The following AFAP1L2 variants were observed in gnomAD, a reference collection of about 807,000 sequenced individuals.
The protein encoded by AFAP1L2 is actin filament-associated protein 1-like 2.
Under a neutral mutation model 99.3 loss-of-function variants are expected in AFAP1L2, and 46 were observed. The ratio of observed to expected loss-of-function variants is 0.46; its 90% confidence interval spans 0.37 to 0.59. AFAP1L2 has a LOEUF of 0.59. AFAP1L2 is among the 20% of genes least tolerant of loss of function. The probability of loss-of-function intolerance (pLI) is 0.00; values close to 1 mark genes in which losing one functional copy is unlikely to be tolerated. For synonymous variants in AFAP1L2, 397 were observed against 419.1 expected (o/e 0.95, Z 0.64); for missense variants, 959 against 1,034.9 (o/e 0.93, Z 1.01).
At position 114,367,379 on chromosome 10, in the gene AFAP1L2, T is replaced by A. The variant is rs1230859580; in HGVS notation, c.17-26648A>T. Among the ~76,000 whole-genome samples, 5 of 152,254 alleles carry A rather than the reference T, an allele frequency of 3.3e-5. No individual in the cohort carries two copies. In the East Asian group the frequency reaches 9.6e-4, roughly 29 times the overall value. On this transcript the variant is annotated intron_variant, in intron 1 of 18. Transcript: ENST00000304129. ...AGAGCAAATTTGGTGGTGTATTCCA[T>A]CCCTAAAATGCCAGGGGAAATATTA...
At chr10:114,339,552 T>C (rs1018686500) in intron 2 of AFAP1L2, among the ~76,000 whole-genome samples, 27 of 152,304 alleles carry the variant, frequency 1.8e-4, no homozygotes, top group South Asian at 4.1e-4. Flanking sequence ...TCCCGCACCA[T>C]TGTTATGGGG....
Position 114,308,032 on chromosome 10 carries a change from G to A in AFAP1L2, c.968-123C>T, listed in dbSNP as rs753184130. On this transcript the variant is annotated intron_variant, in intron 9 of 18. Transcript: ENST00000304129. ...ACCCATCCCTCCCCGCTACATATGC[G>A]CGCACATATGCACGCATACACACAC... The A allele has an allele frequency of 1.5e-4, 114 of 770,388 alleles. 1 individual carries two copies. The highest frequency in any genetic ancestry group is 2.6e-4 in the Middle Eastern group (1 of 3,840). 47.7% of individuals were successfully genotyped at this position (770,388 alleles called of 1,614,324 possible).
chr10:114,310,205 G>T (rs2043014013), intron 8 of AFAP1L2, 149 bp downstream of exon 8: 4 of 770,702 alleles, frequency 5.2e-6, no homozygotes, highest in Non-Finnish European at 8.1e-6. Context: ...TGGCTTACAG[G>T]CGTGAGCCCA....
chr10:114,322,808 G>A (rs2135209934), intron 5 of AFAP1L2, among the ~76,000 whole-genome samples: 1 of 152,294 alleles, frequency 6.6e-6, no homozygotes, highest in East Asian at 1.9e-4. Flanking sequence ...TGCTGACCAG[G>A]GCCTTGGGCC....
chr10:114,316,148 G>T lies in AFAP1L2; in HGVS notation c.407-383C>A, dbSNP rs565830295. On this transcript the variant is annotated intron_variant, in intron 5 of 18. Coordinates refer to ENST00000304129, the MANE Select transcript of AFAP1L2 (RefSeq NM_001001936.3). ...GGGGCCTCTAATTCCTCAAATGAAA[G>T]ATGAAAGGCGTGGGGTGGGATGTTG... Among the ~76,000 whole-genome samples the T allele has an allele frequency of 1.3e-3, 196 of 152,312 alleles. 1 individual carries two copies. The highest frequency in any genetic ancestry group is 4.4e-3 in the African/African-American group (182 of 41,570).
intron 1 of AFAP1L2, among the ~76,000 whole-genome samples, chr10:114,390,980 T>C (rs2057077076): frequency 6.6e-6 from 1 of 152,186 alleles, no homozygotes; most frequent in Non-Finnish European, 1.5e-5. Context: ...TTCATACCCT[T>C]GATTCACTGT....
chr10:114,384,326 C>A (rs947860613), intron 1 of AFAP1L2, among the ~76,000 whole-genome samples: 8 of 145,860 alleles, frequency 5.5e-5, no homozygotes, highest in African/African-American at 1.4e-4. Context: ...GTCTGTCGTC[C>A]CCCCCCCGCT....
intron 1 of AFAP1L2, among the ~76,000 whole-genome samples, chr10:114,342,231 C>T (rs1290789449): frequency 6.6e-6 from 1 of 152,226 alleles, no homozygotes; most frequent in Non-Finnish European, 1.5e-5. Flanking sequence ...GCCTGACCAT[C>T]ACCTGGTGGT....
rs775607554 is a variant in AFAP1L2, at chr10:114,297,291, T to C, written c.2236A>G (p.Lys746Glu). The change falls in exon 17 of 19, where the codon AAG becomes GAG. Residue 746 changes from lysine to glutamate, a missense_variant. By Grantham distance (56) the Lys-to-Glu change is moderately conservative (BLOSUM62 1). Transcript: ENST00000304129. ...SIMEVKDNLK[K>E]AEAGPVTLGT... The stretch of plus-strand genomic sequence containing the variant: ...AACGTCACAGGCCCTGCCTCAGCCT[T>C]CTTCAGGTTGTCCTTCACCTCCATG... The C allele has an allele frequency of 1.2e-6, 2 of 1,613,860 alleles. No individual in the cohort carries two copies. The highest frequency in any genetic ancestry group is 1.7e-6 in the Non-Finnish European group (2 of 1,180,004).
At chr10:114,320,309 G>A (rs2044976195) in intron 5 of AFAP1L2, among the ~76,000 whole-genome samples, 1 of 152,206 alleles carries the variant, frequency 6.6e-6, no homozygotes, top group Admixed American at 6.5e-5. Context: ...GGCTGATAGA[G>A]CAGGTCAAGA....
At chr10:114,322,773 GA>G (rs2045581970) in intron 5 of AFAP1L2, among the ~76,000 whole-genome samples, 1 of 152,218 alleles carries the variant, frequency 6.6e-6, no homozygotes, top group South Asian at 2.1e-4. Flanking sequence ...ACTGAGCTCA[GA>G]CTCAGCCTGA....
At chr10:114,299,463 A>G (rs752879113) in intron 15 of AFAP1L2, 48 bp from the exon 16 acceptor site, 10 of 1,607,288 alleles carry the variant, frequency 6.2e-6, no homozygotes, top group Non-Finnish European at 8.5e-6. Context: ...CTGGATCATG[A>G]GGGCTGTCCC....
chr10:114,360,077 T>A (rs149592513), intron 1 of AFAP1L2, among the ~76,000 whole-genome samples: 1 of 152,190 alleles, frequency 6.6e-6, no homozygotes, highest in Admixed American at 6.5e-5. Context: ...CTGGTGAGGA[T>A]GTTTCTAGGT....
Position 114,347,627 on chromosome 10 carries a change from T to C in AFAP1L2, c.17-6896A>G, listed in dbSNP as rs1001649829. On this transcript the variant is annotated intron_variant, in intron 1 of 18. Coordinates refer to ENST00000304129, the MANE Select transcript of AFAP1L2 (RefSeq NM_001001936.3). Reference sequence around the variant, plus strand: ...TATAGGCATGTACCACTTGAGACTATATGGTCTCAAGTAGCTGGGACTATA... The same window carrying C: ...TATAGGCATGTACCACTTGAGACTACATGGTCTCAAGTAGCTGGGACTATA... Among the ~76,000 whole-genome samples the C allele has an allele frequency of 2.0e-5, 3 of 152,032 alleles. No homozygotes were observed. The Middle Eastern group carries it at 0.01, about 517-fold the overall frequency.
chr10:114,363,343 C>T (rs757063981), intron 1 of AFAP1L2, among the ~76,000 whole-genome samples: 3 of 152,152 alleles, frequency 2.0e-5, no homozygotes, highest in East Asian at 1.9e-4. Context: ...ATCAGGCCAG[C>T]GGTCCACTGT....
chr10:114,334,659 G>A (rs1214637006), intron 2 of AFAP1L2, among the ~76,000 whole-genome samples: 1 of 152,236 alleles, frequency 6.6e-6, no homozygotes, highest in East Asian at 1.9e-4. Flanking sequence ...CTGTGCCAGG[G>A]ACTGCAGCAG....
chr10:114,354,691 T>C (rs141866178), intron 1 of AFAP1L2, among the ~76,000 whole-genome samples: 1 of 152,290 alleles, frequency 6.6e-6, no homozygotes, highest in Non-Finnish European at 1.5e-5. Flanking sequence ...TGAGGATGCA[T>C]AATTGGAGTT....
At chr10:114,371,965 G>GA (rs924108942) in intron 1 of AFAP1L2, among the ~76,000 whole-genome samples, 4 of 150,006 alleles carry the variant, frequency 2.7e-5, no homozygotes, top group Admixed American at 2.0e-4. Context: ...TTTTATCAAG[G>GA]AAAAAAAAAG....
intron 1 of AFAP1L2, among the ~76,000 whole-genome samples, chr10:114,350,020 G>A (rs138127158): frequency 7.3e-4 from 111 of 152,218 alleles, no homozygotes; most frequent in Non-Finnish European, 1.3e-3. Flanking sequence ...ACAGATGCTG[G>A]GCTGTGGCTT....
Sources: gnomAD v4.1 joint callset for allele counts (sites outside exome capture counted in the v4.1 genomes callset) on GRCh38, gnomAD v4.1.1 for gene constraint, MANE v1.5 for transcripts, NCBI Gene and HGNC (gene_info 2026-07-23, HGNC 2026-07-21) for gene names.